MTX2: variants seen among roughly 807,000 people sequenced by gnomAD.
MTX2 encodes the protein metaxin-2.
A neutral mutation model predicts 42.3 loss-of-function variants in MTX2; 35 were observed. That is an observed-to-expected ratio of 0.83 (90% confidence interval 0.63 to 1.10). The LOEUF (loss-of-function observed/expected upper bound fraction) is 1.10, where lower values mean the gene tolerates loss of function less well. Among genes scored for constraint, MTX2 ranks in the 50% least tolerant of loss-of-function variants. The probability of loss-of-function intolerance (pLI) is 0.00; values close to 1 mark genes in which losing one functional copy is unlikely to be tolerated. For synonymous variants in MTX2, 119 were observed against 100.9 expected (o/e 1.18, Z -1.08); for missense variants, 307 against 304.1 (o/e 1.01, Z -0.07).
At chr2:176,294,721 TA>T (rs1683812164) in intron 1 of MTX2, among the ~76,000 whole-genome samples, 1 of 152,352 alleles carries the variant, frequency 6.6e-6, no homozygotes, top group Middle Eastern at 3.4e-3. Flanking sequence ...CTAGTGTATG[TA>T]AAGGTTGGTG....
At chr2:176,331,698 T>C (rs1424914834) in intron 9 of MTX2, among the ~76,000 whole-genome samples, 2 of 151,248 alleles carry the variant, frequency 1.3e-5, no homozygotes, top group Non-Finnish European at 3.0e-5. Context: ...GTAAAGCTTC[T>C]ACAACTCTGT....
chr2:176,314,446 A>AG (rs1184280400), intron 3 of MTX2, among the ~76,000 whole-genome samples: 1 of 152,048 alleles, frequency 6.6e-6, no homozygotes, highest in East Asian at 1.9e-4. Flanking sequence ...CAAAAAAAAA[A>AG]AAACCCAATA....
At chr2:176,296,687 C>T (rs1173181288) in intron 1 of MTX2, among the ~76,000 whole-genome samples, 173 bp from the exon 2 acceptor site, 1 of 152,030 alleles carries the variant, frequency 6.6e-6, no homozygotes, top group Non-Finnish European at 1.5e-5. Context: ...GTTATCTAAC[C>T]TACTTATACA....
At chr2:176,296,621 T>G (rs1558930976) in intron 1 of MTX2, among the ~76,000 whole-genome samples, 1 of 152,248 alleles carries the variant, frequency 6.6e-6, no homozygotes, top group East Asian at 1.9e-4. Context: ...TATCTTCCCC[T>G]CTTCCCCATT....
At chr2:176,301,164 A>G (rs1351057402) in intron 3 of MTX2, among the ~76,000 whole-genome samples, 1 of 152,182 alleles carries the variant, frequency 6.6e-6, no homozygotes, top group East Asian at 1.9e-4. Flanking sequence ...TTAAAACAGT[A>G]TTTATTGAAT....
At chr2:176,302,056 C>T (rs1057103257) in intron 3 of MTX2, among the ~76,000 whole-genome samples, 6 of 150,882 alleles carry the variant, frequency 4.0e-5, no homozygotes, top group Admixed American at 4.0e-4. Flanking sequence ...CGTTGCACAA[C>T]AGAGACTTTC....
chr2:176,315,005 G>C (rs1684403613), intron 3 of MTX2, among the ~76,000 whole-genome samples: 1 of 152,160 alleles, frequency 6.6e-6, no homozygotes, highest in Admixed American at 6.5e-5. Context: ...CAGATAGTAT[G>C]ATGTACATTT....
At chr2:176,280,535 G>A (rs1175436332) in intron 1 of MTX2, among the ~76,000 whole-genome samples, 1 of 152,156 alleles carries the variant, frequency 6.6e-6, no homozygotes, top group Admixed American at 6.5e-5. Flanking sequence ...CACATGTTGT[G>A]AGTGGCACAA....
intron 3 of MTX2, among the ~76,000 whole-genome samples, chr2:176,310,896 T>G (rs1295093661): frequency 6.6e-6 from 1 of 152,252 alleles, no homozygotes; most frequent in East Asian, 1.9e-4. Flanking sequence ...GAAGCCTACT[T>G]CTGTCAACTT....
chr2:176,270,199 T>C (rs1692769821), intron 1 of MTX2: 1 of 340,178 alleles, frequency 2.9e-6, no homozygotes, highest in Non-Finnish European at 5.6e-6. Context: ...AGACGGAGTT[T>C]CTCTTTTGTC....
At chr2:176,305,229 A>G (rs1319571925) in intron 3 of MTX2, among the ~76,000 whole-genome samples, 1 of 152,066 alleles carries the variant, frequency 6.6e-6, no homozygotes, top group East Asian at 1.9e-4. Context: ...ATTAAAAAGA[A>G]TATATGTTCC....
At chr2:176,330,282 A>G (rs1684828908) in intron 8 of MTX2, among the ~76,000 whole-genome samples, 1 of 150,870 alleles carries the variant, frequency 6.6e-6, no homozygotes, top group African/African-American at 2.4e-5. Context: ...ATGTACTTGT[A>G]TTTTGAAGGA....
chr2:176,290,261 A>C (rs1403798330), intron 1 of MTX2, among the ~76,000 whole-genome samples: 4 of 152,032 alleles, frequency 2.6e-5, no homozygotes, highest in Non-Finnish European at 5.9e-5. Flanking sequence ...TGGTTGATAC[A>C]AGGGTCATGT....
intron 5 of MTX2, among the ~76,000 whole-genome samples, chr2:176,327,428 G>A (rs1684734338): frequency 6.6e-6 from 1 of 150,752 alleles, no homozygotes; most frequent in African/African-American, 2.4e-5. Context: ...ATACTAGTGT[G>A]TATTATTTTG....
At chr2:176,282,703 T>G (rs1693109352) in intron 1 of MTX2, among the ~76,000 whole-genome samples, 1 of 150,360 alleles carries the variant, frequency 6.7e-6, no homozygotes, top group African/African-American at 2.4e-5. Flanking sequence ...TCTACTTTTT[T>G]TTTTTTGTTT....
intron 3 of MTX2, among the ~76,000 whole-genome samples, chr2:176,309,482 G>A (rs1291205586): frequency 6.6e-6 from 1 of 152,176 alleles, no homozygotes; most frequent in Non-Finnish European, 1.5e-5. Context: ...GTCTGATATT[G>A]ACAGTGGGGT....
chr2:176,282,138 T>G (rs1285260901), intron 1 of MTX2, among the ~76,000 whole-genome samples: 2 of 139,314 alleles, frequency 1.4e-5, no homozygotes, highest in South Asian at 2.4e-4. Context: ...TTTTTTTTTT[T>G]TTTTTTTTTT....
At chr2:176,332,186 AAT>A (rs1558946284) in intron 9 of MTX2, among the ~76,000 whole-genome samples, 1 of 151,386 alleles carries the variant, frequency 6.6e-6, no homozygotes, top group African/African-American at 2.4e-5. Context: ...TTTCCCTAAA[AAT>A]AAGATTAAAG....
chr2:176,280,809 C>G (rs1027526443), intron 1 of MTX2, among the ~76,000 whole-genome samples: 2 of 152,130 alleles, frequency 1.3e-5, no homozygotes, highest in African/African-American at 4.8e-5. Flanking sequence ...CACACAGTAA[C>G]ATTTAACATC....
Sources: gnomAD v4.1 joint callset for allele counts (sites outside exome capture counted in the v4.1 genomes callset) on GRCh38, gnomAD v4.1.1 for gene constraint, MANE v1.5 for transcripts, NCBI Gene and HGNC (gene_info 2026-07-23, HGNC 2026-07-21) for gene names.